CORO1C: variants seen among roughly 807,000 people sequenced by gnomAD.
CORO1C encodes coronin-1C.
Under a neutral mutation model 51.2 loss-of-function variants are expected in CORO1C, and 14 were observed. The observed-to-expected ratio is 0.27, with a 90% CI of 0.18 to 0.43. The LOEUF (loss-of-function observed/expected upper bound fraction) is 0.43, where lower values mean the gene tolerates loss of function less well. Ranked by LOEUF, CORO1C falls within the 20% of genes least tolerant of loss-of-function variation. CORO1C has a pLI of 1.00. For missense variants in CORO1C, 417 were observed against 607.8 expected, an observed-to-expected ratio of 0.69 and a Z score of 3.30; for synonymous variants, 181 against 210.5, an observed-to-expected ratio of 0.86 and a Z score of 1.21.
intron 2 of CORO1C, among the ~76,000 whole-genome samples, chr12:108,695,068 G>A (rs1283202342): frequency 2.0e-5 from 3 of 152,162 alleles, no homozygotes; most frequent in South Asian, 2.1e-4. Flanking sequence ...GGTTTTTCAC[G>A]AGATAGTGTC....
intron 2 of CORO1C, among the ~76,000 whole-genome samples, chr12:108,695,982 T>A (rs1286350555): frequency 2.0e-5 from 3 of 149,818 alleles, no homozygotes; most frequent in Non-Finnish European, 4.4e-5. Flanking sequence ...TAAAGCAAGA[T>A]CCCAAATATT....
intron 1 of CORO1C, among the ~76,000 whole-genome samples, chr12:108,710,574 CT>C (rs1053299766): frequency 2.8e-5 from 4 of 141,384 alleles, no homozygotes; most frequent in South Asian, 2.2e-4. Flanking sequence ...TTTTTTTTTT[CT>C]TTTTTTTTGA....
rs1166234458 is a variant in CORO1C, at chr12:108,662,115, T to A, written c.362A>T (p.Glu121Val). Residue 121 changes from glutamate (E) to valine (V), a missense_variant, in exon 4 of 11, where the codon GAA becomes GTA. Coordinates refer to ENST00000261401, the MANE Select transcript of CORO1C (RefSeq NM_014325.4). ...PENGLTLSLTEPVVILEGHSK... is the reference protein window; with the variant it reads ...PENGLTLSLTVPVVILEGHSK... Reference sequence around the variant, plus strand: ...GTGGCCTTCCAAAATCACCACAGGTTCAGTCAGGGAAAGGGTGAGTCCATT... The same window carrying A: ...GTGGCCTTCCAAAATCACCACAGGTACAGTCAGGGAAAGGGTGAGTCCATT... 6.2e-6 allele frequency: 10 copies of A among 1,613,926 alleles called. No individual in the cohort carries two copies. Among genetic ancestry groups the A allele is most frequent in the Non-Finnish European group, 8.5e-6 (10 of 1,179,828 alleles).
intron 2 of CORO1C, among the ~76,000 whole-genome samples, chr12:108,699,061 T>C (rs2034782129): frequency 6.6e-6 from 1 of 152,224 alleles, no homozygotes; most frequent in Admixed American, 6.5e-5. Context: ...GACAGTATTA[T>C]AGCCTGGGAA....
intron 1 of CORO1C, among the ~76,000 whole-genome samples, chr12:108,718,917 A>C (rs1361214012): frequency 1.3e-5 from 2 of 152,234 alleles, no homozygotes; most frequent in Non-Finnish European, 2.9e-5. Flanking sequence ...GGAAGAAAAC[A>C]GCACACATTC....
At chr12:108,681,545 T>C (rs2034124075) in intron 2 of CORO1C, among the ~76,000 whole-genome samples, 1 of 152,022 alleles carries the variant, frequency 6.6e-6, no homozygotes. Context: ...AACAAAAAAA[T>C]GGAAAACATC....
chr12:108,717,654 A>T (rs2035371489), intron 1 of CORO1C, among the ~76,000 whole-genome samples: 1 of 152,194 alleles, frequency 6.6e-6, no homozygotes, highest in Non-Finnish European at 1.5e-5. Flanking sequence ...AATTTGACTC[A>T]TGCAACCAGA....
At chr12:108,652,966 T>C (rs1185301870) in intron 7 of CORO1C, 1 of 152,652 alleles carries the variant, frequency 6.6e-6, no homozygotes, top group Non-Finnish European at 1.5e-5. Flanking sequence ...TTGCTTAGAA[T>C]AGTCAGATAT....
intron 10 of CORO1C, among the ~76,000 whole-genome samples, chr12:108,648,292 C>T (rs1178541678): frequency 1.3e-5 from 2 of 152,116 alleles, no homozygotes; most frequent in Non-Finnish European, 2.9e-5. Context: ...TGGCAAAAGA[C>T]AGGAAAAACC....
rs371085354 is a variant in CORO1C at position 108,673,776 on chromosome 12, C to T, written c.318+4496G>A. On this transcript the variant is annotated intron_variant, in intron 3 of 10. Transcript: ENST00000261401. ...AAATCATTAGGAGATATACCTAATGCTAAATGATGAGTTAATGGGTGCAGC... is the reference window on the plus strand; with the variant it reads ...AAATCATTAGGAGATATACCTAATGTTAAATGATGAGTTAATGGGTGCAGC... Among the ~76,000 whole-genome samples the T allele has an allele frequency of 2.6e-5, 4 of 152,008 alleles. No homozygotes were observed. The East Asian group carries it at 5.8e-4, about 22-fold the overall frequency.
At chr12:108,695,045 G>A (rs2136857300) in intron 2 of CORO1C, among the ~76,000 whole-genome samples, 1 of 152,310 alleles carries the variant, frequency 6.6e-6, no homozygotes, top group Middle Eastern at 3.4e-3. Flanking sequence ...TTATCTGGGT[G>A]GCTCTGGCCC....
chr12:108,697,612 C>T (rs2034730000), intron 2 of CORO1C, among the ~76,000 whole-genome samples: 1 of 152,158 alleles, frequency 6.6e-6, no homozygotes, highest in African/African-American at 2.4e-5. Context: ...GTAAAGAGCC[C>T]TAGTATTACA....
rs141249388 is a variant in CORO1C, at chr12:108,646,718, G to A, written c.*685C>T. ...TCAGAAGACTCCATGAAATGAGAGC[G>A]GTGGTAATATGAATCCACGTGATTT... On this transcript the variant is annotated 3_prime_UTR_variant, in exon 11 of 11. Coordinates refer to ENST00000261401, the MANE Select transcript of CORO1C (RefSeq NM_014325.4). 1.8e-4 allele frequency: 28 copies of A among 152,446 alleles called. No individual in the cohort carries two copies. The East Asian group carries it at 4.8e-3, about 26-fold the overall frequency. 9.4% of individuals were successfully genotyped at this position (152,446 alleles called of 1,614,324 possible). A position where few individuals can be genotyped will look rare whatever the true frequency, so the allele number is the denominator to read the frequency against.
intron 1 of CORO1C, among the ~76,000 whole-genome samples, chr12:108,712,395 G>A (rs1052314961): frequency 9.9e-5 from 15 of 151,852 alleles, no homozygotes; most frequent in African/African-American, 3.6e-4. Context: ...CCAACATGGT[G>A]AAACTCCATC....
chr12:108,678,252 A>G lies in CORO1C; in HGVS notation c.318+20T>C. The G allele has an allele frequency of 6.2e-7, 1 of 1,603,638 alleles. No homozygotes were observed. The highest frequency in any genetic ancestry group is 8.5e-7 in the Non-Finnish European group (1 of 1,174,450). Reference sequence around the variant, plus strand: ...GTGAGTCTCACTGGCCTGTGTGCACACAACACCCTGGGAGCTTACCATGAC... The same window carrying G: ...GTGAGTCTCACTGGCCTGTGTGCACGCAACACCCTGGGAGCTTACCATGAC... On this transcript the variant is annotated intron_variant, in intron 3 of 10. Transcript: ENST00000261401.
At chr12:108,651,798 G>C (rs1180428981) in intron 8 of CORO1C, among the ~76,000 whole-genome samples, 1 of 152,246 alleles carries the variant, frequency 6.6e-6, no homozygotes, top group Non-Finnish European at 1.5e-5. Flanking sequence ...AGGATAGAAA[G>C]ACTTGGGCTT....
chr12:108,662,302 T>C (rs1366967838), intron 3 of CORO1C, 144 bp from the exon 4 acceptor site: 1 of 757,490 alleles, frequency 1.3e-6, no homozygotes, highest in Non-Finnish European at 2.1e-6. Flanking sequence ...TGTTGTGAAA[T>C]GACCGTGTTA....
intron 3 of CORO1C, among the ~76,000 whole-genome samples, chr12:108,663,285 G>A (rs565695298): frequency 1.3e-5 from 2 of 152,306 alleles, no homozygotes; most frequent in East Asian, 3.9e-4. Flanking sequence ...TTCCTTAAAT[G>A]ATTAAACAGA....
chr12:108,652,257 A>G lies in CORO1C; in HGVS notation c.1001+15T>C, dbSNP rs752378080. ...TTACACCAACCTAGAATACTTGACA[A>G]TCTCGATTCTTTACCTGGCAATCTC... On this transcript the variant is annotated intron_variant, in intron 8 of 10. Transcript: ENST00000261401. 8.1e-6 allele frequency: 13 copies of G among 1,611,686 alleles called. No individual in the cohort carries two copies. Among genetic ancestry groups the G allele is most frequent in the Non-Finnish European group, 9.3e-6 (11 of 1,178,182 alleles).
Sources: allele counts gnomAD v4.1 joint callset (sites outside exome capture counted in the v4.1 genomes callset), GRCh38; gene constraint gnomAD v4.1.1; transcripts MANE v1.5; gene names NCBI Gene and HGNC (gene_info 2026-07-23, HGNC 2026-07-21).